ITSN1: variants seen among roughly 807,000 people sequenced by gnomAD.
ITSN1 encodes intersectin 1.
A neutral mutation model predicts 239.8 loss-of-function variants in ITSN1; 58 were observed. That is an observed-to-expected ratio of 0.24 (90% CI 0.20 to 0.30). The LOEUF (loss-of-function observed/expected upper bound fraction) is 0.30. Ranked by LOEUF, ITSN1 falls within the 10% of genes least tolerant of loss-of-function variation. The pLI is 1.00. For synonymous variants in ITSN1, 780 were observed against 770.8 expected, an observed-to-expected ratio of 1.01 and a Z score of -0.20; for missense variants, 1,558 against 2,103.3, an observed-to-expected ratio of 0.74 and a Z score of 5.07.
chr21:33,707,708 T>C (rs539996892), intron 1 of ITSN1, among the ~76,000 whole-genome samples: 2 of 152,374 alleles, frequency 1.3e-5, no homozygotes, highest in South Asian at 4.1e-4. Flanking sequence ...GATTCACGCA[T>C]GTTGTTGCCT....
chr21:33,833,821 G>A (rs767702553), intron 27 of ITSN1, among the ~76,000 whole-genome samples: 2 of 149,924 alleles, frequency 1.3e-5, no homozygotes, highest in African/African-American at 2.5e-5. Flanking sequence ...GCAGTGAGCC[G>A]AGATCGTGCC....
At chr21:33,731,184 C>G (rs1336970191) in intron 4 of ITSN1, among the ~76,000 whole-genome samples, 3 of 152,192 alleles carry the variant, frequency 2.0e-5, no homozygotes, top group African/African-American at 4.8e-5. Context: ...CCCATGAAAA[C>G]ACTTCTGTAG....
chr21:33,869,721 C>G (rs190093746), intron 33 of ITSN1, among the ~76,000 whole-genome samples: 11 of 152,024 alleles, frequency 7.2e-5, no homozygotes, highest in Admixed American at 1.3e-4. Flanking sequence ...AGATCTGGTT[C>G]CTTTTAATGG....
At position 33,829,789 on chromosome 21, in the gene ITSN1, C is replaced by G. The variant is rs373011719; in HGVS notation, c.3351+44C>G. 1.9e-6 allele frequency: 3 copies of G among 1,607,816 alleles called. No homozygotes were observed. The Admixed American group carries it at 5.0e-5, about 27-fold the overall frequency. On this transcript the variant is annotated intron_variant, in intron 27 of 39. Coordinates refer to ENST00000381318, the MANE Select transcript of ITSN1 (RefSeq NM_003024.3). ...TATTTACAATTCTCCATCCAAGTTTCAATACACAAAATCTCAAAGGGACGC... is the reference window on the plus strand; with the variant it reads ...TATTTACAATTCTCCATCCAAGTTTGAATACACAAAATCTCAAAGGGACGC...
At chr21:33,809,706 G>A (rs111873422) in intron 20 of ITSN1, among the ~76,000 whole-genome samples, 300 of 152,246 alleles carry the variant, frequency 2.0e-3, no homozygotes, top group African/African-American at 6.8e-3. Context: ...AGTGTTTGAT[G>A]TTTTACTCCT....
chr21:33,653,459 A>G (rs2088738251), intron 1 of ITSN1, among the ~76,000 whole-genome samples: 1 of 152,132 alleles, frequency 6.6e-6, no homozygotes, highest in Non-Finnish European at 1.5e-5. Flanking sequence ...CATACAGACC[A>G]TCATGTTTAT....
intron 26 of ITSN1, among the ~76,000 whole-genome samples, chr21:33,827,777 G>A (rs1602477668): frequency 6.6e-6 from 1 of 152,326 alleles, no homozygotes; most frequent in East Asian, 1.9e-4. Context: ...TCTGTGGCAC[G>A]TCTTCCTGGT....
intron 1 of ITSN1, among the ~76,000 whole-genome samples, chr21:33,713,277 T>C (rs2092467043): frequency 6.6e-6 from 1 of 150,536 alleles, no homozygotes; most frequent in East Asian, 2.0e-4. Flanking sequence ...TCTTGCTCCG[T>C]CTCCCAGGCT....
chr21:33,870,431 G>T (rs1367136022), intron 33 of ITSN1, among the ~76,000 whole-genome samples: 2 of 152,162 alleles, frequency 1.3e-5, no homozygotes, highest in Admixed American at 6.5e-5. Context: ...TTCTTCCAGA[G>T]CACCCACAAA....
chr21:33,730,988 G>A (rs1291550212), intron 4 of ITSN1, among the ~76,000 whole-genome samples: 3 of 152,150 alleles, frequency 2.0e-5, no homozygotes, highest in East Asian at 1.9e-4. Context: ...GAGCCACCGC[G>A]CCCAGCCGTA....
In ITSN1 at chr21:33,837,011, C is replaced by A. The variant is rs751290039; in HGVS notation, c.3661+379C>A. 2.0e-5 allele frequency: 33 copies of A among 1,613,464 alleles called. No homozygotes were observed. The African/African-American group carries it at 2.9e-4, about 14-fold the overall frequency. ...GGAATCATATGTTGTCCATCCCCCC[C>A]TCAGGCTTGAAAGTCCTCAAAGAGA... On this transcript the variant is annotated intron_variant, in intron 29 of 39. Coordinates refer to ENST00000381318, the MANE Select transcript of ITSN1 (RefSeq NM_003024.3).
intron 29 of ITSN1, chr21:33,836,912 C>G: frequency 7.9e-7 from 1 of 1,272,822 alleles, no homozygotes; most frequent in Non-Finnish European, 1.1e-6. Flanking sequence ...TGTTTACATG[C>G]CTGACTCATT....
chr21:33,750,583 A>G, intron 6 of ITSN1, among the ~76,000 whole-genome samples: 1 of 152,182 alleles, frequency 6.6e-6, no homozygotes. Flanking sequence ...AAAGCCACAA[A>G]TGTAATTTTC....
chr21:33,831,356 A>G (rs1379537276), intron 27 of ITSN1, among the ~76,000 whole-genome samples: 3 of 152,104 alleles, frequency 2.0e-5, no homozygotes, highest in Non-Finnish European at 2.9e-5. Context: ...GCTTGAACGG[A>G]TATAGGAAGG....
intron 27 of ITSN1, among the ~76,000 whole-genome samples, chr21:33,832,629 A>G (rs2074361340): frequency 6.6e-6 from 1 of 151,612 alleles, no homozygotes; most frequent in African/African-American, 2.4e-5. Context: ...TGTCATTGCG[A>G]GCAGAATGGT....
chr21:33,850,712 C>G (rs2075134447), intron 29 of ITSN1, among the ~76,000 whole-genome samples: 1 of 152,298 alleles, frequency 6.6e-6, no homozygotes, highest in Middle Eastern at 3.4e-3. Context: ...GGTAAAGGGA[C>G]ATAGTGTTTG....
rs180674427 is a variant in ITSN1, at chr21:33,658,835, C to G, written c.-33+16122C>G. Among the ~76,000 whole-genome samples, 53 of 152,240 alleles carry G rather than the reference C, an allele frequency of 3.5e-4. 1 individual carries two copies. The East Asian group carries it at 0.01, about 29-fold the overall frequency. ...GATAGTCTGTGGTATAATTTTATAT[C>G]ATTTTGTTCCTGATTCCTAGCACAT... On this transcript the variant is annotated intron_variant, in intron 1 of 39. Transcript: ENST00000381318.
chr21:33,851,397 C>CT (rs1297384836), intron 29 of ITSN1, among the ~76,000 whole-genome samples: 3 of 151,676 alleles, frequency 2.0e-5, no homozygotes, highest in African/African-American at 4.8e-5. Context: ...TTTTTCTTTT[C>CT]TTTTTTTTCT....
chr21:33,882,810 G>A lies in ITSN1; in HGVS notation c.4554+355G>A, dbSNP rs552370466. Among the ~76,000 whole-genome samples, 38 of 152,238 alleles carry A rather than the reference G, an allele frequency of 2.5e-4. No homozygotes were observed. Among genetic ancestry groups the A allele is most frequent in the Admixed American group, 7.8e-4 (12 of 15,288 alleles). ...AAAACAGCACCCAGGGCCCACCGTC[G>A]CCTCCAAACAGTCCTAAGTCCCCTG... On this transcript the variant is annotated intron_variant, in intron 35 of 39. Transcript: ENST00000381318. This position sits in a 1 kb window ranked among gnomAD's most constrained non-coding sequence, Gnocchi z 4.5.
Sources: allele counts gnomAD v4.1 joint callset (sites outside exome capture counted in the v4.1 genomes callset), GRCh38; gene constraint gnomAD v4.1.1; non-coding constraint Gnocchi (gnomAD v3.1); transcripts MANE v1.5; gene names NCBI Gene and HGNC (gene_info 2026-07-23, HGNC 2026-07-21).